Variants in PIGP observed in about 807,000 individuals in gnomAD.
PIGP encodes phosphatidylinositol N-acetylglucosaminyltransferase subunit P.
In PIGP, 12 loss-of-function variants were observed where a neutral mutation model predicts 16.9. The observed-to-expected ratio is 0.71, with a 90% CI of 0.46 to 1.15. The LOEUF (loss-of-function observed/expected upper bound fraction) is 1.15. Ranked by LOEUF, PIGP falls within the 50% of genes most tolerant of loss-of-function variation. PIGP has a pLI of 0.00. For synonymous variants in PIGP, 57 were observed against 54.7 expected (o/e 1.04, Z -0.18); for missense variants, 159 against 153.5 (o/e 1.04, Z -0.19).
At chr21:37,069,181 C>T (rs16994714) in intron 3 of PIGP, 1,943 of 158,356 alleles carry the variant, frequency 0.012, 44 homozygotes, top group African/African-American at 0.043. Flanking sequence ...ACTTCAGCAA[C>T]GTGAAAATCA....
rs777211973 is a variant in PIGP, at chr21:37,065,704, C to T, written c.283G>A (p.Ala95Thr). ...TATTTCTTCTGCTGTTGATTTTTTGCATAGTTATCTGTAAGAAAAGACCAA... is the reference window on the plus strand; with the variant it reads ...TATTTCTTCTGCTGTTGATTTTTTGTATAGTTATCTGTAAGAAAAGACCAA... ...DSIHTITDNY[A>T]KNQQQKKYQE... is the part of the protein sequence containing the mutation. The change falls in exon 5 of 5, where the codon GCA becomes ACA. Residue 95 changes from alanine to threonine, a missense_variant. By Grantham distance (58) the Ala-to-Thr change is moderately conservative. Transcript: ENST00000360525. The T allele has an allele frequency of 8.7e-6, 14 of 1,612,590 alleles. No individual in the cohort carries two copies. The highest frequency in any genetic ancestry group is 1.2e-5 in the Non-Finnish European group (14 of 1,179,350).
In PIGP at chr21:37,072,367, A is replaced by C. The variant is rs191639897; in HGVS notation, c.82+67T>G. 7,286 of 1,606,546 alleles carry C rather than the reference A, an allele frequency of 4.5e-3. 31 individuals are homozygous for C. The highest frequency in any genetic ancestry group is 5.6e-3 in the Admixed American group (331 of 59,530). On this transcript the variant is annotated intron_variant, in intron 2 of 4. Transcript: ENST00000360525. ...CAGTTCATGTGTGCACAGTCTAACC[A>C]ATGTATTCTTCCCTTGTCACTGAAC...
intron 2 of PIGP, among the ~76,000 whole-genome samples, chr21:37,070,673 T>C (rs1792528870): frequency 6.6e-6 from 1 of 152,252 alleles, no homozygotes; most frequent in South Asian, 2.1e-4. Context: ...CAGGGCATTT[T>C]TGGCTGTTTT....
Position 37,072,410 on chromosome 21 carries a change from GCCAT to G in PIGP, c.82+20_82+23del. The G allele has an allele frequency of 1.2e-6, 2 of 1,613,474 alleles. No individual in the cohort carries two copies. The highest frequency in any genetic ancestry group is 1.7e-6 in the Non-Finnish European group (2 of 1,179,608). On this transcript the variant is annotated intron_variant, in intron 2 of 4. Transcript: ENST00000360525. The stretch of plus-strand genomic sequence containing the variant: ...CACTGAACGCCAGAAAAAGCCCCTG[GCCAT>G]CCATCAGGAAAGTACTTACTGAAGC...
rs757006206 is a variant in PIGP at position 37,067,327 on chromosome 21, T to C, written c.209A>G (p.Tyr70Cys). 4 of 1,612,288 alleles carry C rather than the reference T, an allele frequency of 2.5e-6. No homozygotes were observed. Among genetic ancestry groups the C allele is most frequent in the Non-Finnish European group, 3.4e-6 (4 of 1,178,436 alleles). Residue 70 changes from tyrosine (Y) to cysteine (C), a missense_variant, in exon 4 of 5, where the codon TAC (tyrosine) becomes TGC (cysteine). Coordinates refer to ENST00000360525, the MANE Select transcript of PIGP (RefSeq NM_153682.3). ...CATGTTAATCCCAAACAAGAGCACG[T>C]AGCCAATTACTATAGCAATAAGGAG... ...VYLLIAIVIG[Y>C]VLLFGINMMS...
Position 37,069,591 on chromosome 21 carries a change from G to C in PIGP, c.116C>G (p.Ser39Cys). 1 of 1,570,052 alleles carries C rather than the reference G, an allele frequency of 6.4e-7. No homozygotes were observed. Among genetic ancestry groups the C allele is most frequent in the Non-Finnish European group, 8.7e-7 (1 of 1,154,664 alleles). The change falls in exon 3 of 5, where the codon TCT (serine) becomes TGT (cysteine). Residue 39 changes from serine (S) to cysteine (C), a missense_variant. Ser to Cys is a moderately radical substitution (Grantham distance 112). Transcript: ENST00000360525. ...GGTTAAACCTAAAGAGTTTAGCCAA[G>C]ATTCAGGAATAAAGGCCCACACGAG... Reference protein sequence around the residue: ...LYLVWAFIPESWLNSLGLTYW... With the variant: ...LYLVWAFIPECWLNSLGLTYW...
At chr21:37,067,521 A>G (rs2146806642) in intron 3 of PIGP, 141 bp from the exon 4 acceptor site, 1 of 561,808 alleles carries the variant, frequency 1.8e-6, no homozygotes, top group East Asian at 3.1e-5. Context: ...TAGTTCCACA[A>G]GGCTTACAGT....
chr21:37,066,971 C>T (rs1051217519), intron 4 of PIGP, among the ~76,000 whole-genome samples: 2 of 143,850 alleles, frequency 1.4e-5, no homozygotes, highest in South Asian at 2.4e-4. Flanking sequence ...TTTTACTGTC[C>T]GTGTGTGTGT....
Position 37,072,602 on chromosome 21 carries a change from C to G in PIGP, c.-22-65G>C, listed in dbSNP as rs577585644. ...CGTGGCACCATTGATCCATTCTCGC[C>G]TCCTCGCTCCGCCGCGGGTACGGCC... On this transcript the variant is annotated intron_variant, in intron 1 of 4. Coordinates refer to ENST00000360525, the MANE Select transcript of PIGP (RefSeq NM_153682.3). The G allele has an allele frequency of 1.5e-4, 241 of 1,607,064 alleles. 1 individual carries two copies. The South Asian group carries it at 2.3e-3, about 15-fold the overall frequency.
In PIGP at chr21:37,065,537, CTT is replaced by C. The variant is rs1239753543; in HGVS notation, c.*43_*44del. On this transcript the variant is annotated 3_prime_UTR_variant, in exon 5 of 5. Coordinates refer to ENST00000360525, the MANE Select transcript of PIGP (RefSeq NM_153682.3). Reference sequence around the variant, plus strand: ...ATGGTCAAAATTATAATGGCAAAAACTTATAAATAAATACGTGCTTGGTGTTA... The same window carrying C: ...ATGGTCAAAATTATAATGGCAAAAACATAAATAAATACGTGCTTGGTGTTA... 1 of 1,572,612 alleles carries C rather than the reference CTT, an allele frequency of 6.4e-7. No homozygotes were observed. Among genetic ancestry groups the C allele is most frequent in the Admixed American group, 2.0e-5 (1 of 49,654 alleles).
intron 1 of PIGP, chr21:37,072,753 G>C (rs970002354): frequency 3.6e-5 from 24 of 670,272 alleles, no homozygotes; most frequent in African/African-American, 2.2e-4. Flanking sequence ...GGGCAGGGAG[G>C]GGGGTTCTGG....
intron 4 of PIGP, 122 bp from the exon 5 acceptor site, chr21:37,065,834 TTAACA>T: frequency 1.4e-6 from 1 of 711,988 alleles, no homozygotes; most frequent in East Asian, 2.7e-5. Flanking sequence ...AACATCATGT[TTAACA>T]TAATTAGATG....
intron 4 of PIGP, 21 bp from the exon 5 acceptor site, chr21:37,065,733 GCT>G (rs1449968434): frequency 2.5e-6 from 4 of 1,609,528 alleles, no homozygotes; most frequent in Non-Finnish European, 3.4e-6. Context: ...AGACCAAAAA[GCT>G]CTGTTTACCT....
chr21:37,072,322 A>G (rs2070118338), intron 2 of PIGP, 112 bp downstream of exon 2: 10 of 1,597,346 alleles, frequency 6.3e-6, no homozygotes, highest in African/African-American at 1.3e-5. Context: ...TTAAAAAGAG[A>G]CATAGGGAGA....
At chr21:37,068,162 T>G (rs1034906730) in intron 3 of PIGP, among the ~76,000 whole-genome samples, 2 of 151,730 alleles carry the variant, frequency 1.3e-5, no homozygotes, top group African/African-American at 4.8e-5. Context: ...CCTGGCTAAT[T>G]TTTAATTTTT....
At chr21:37,072,960 T>C (rs2070226735) in intron 1 of PIGP, 40 bp downstream of exon 1, 1 of 208,416 alleles carries the variant, frequency 4.8e-6, no homozygotes, top group South Asian at 9.4e-5. Context: ...CCTCGGGTCC[T>C]TCATACGCCC....
At chr21:37,072,178 T>C in intron 2 of PIGP, 1 of 1,470,128 alleles carries the variant, frequency 6.8e-7, no homozygotes, top group Non-Finnish European at 9.5e-7. Context: ...ACGACCTCCT[T>C]AAGGGCAGGG....
chr21:37,072,671 CG>C, intron 1 of PIGP, 134 bp from the exon 2 acceptor site: 1 of 1,496,902 alleles, frequency 6.7e-7, no homozygotes. Flanking sequence ...CCGCAACCCG[CG>C]CCCCCGCCTC....
chr21:37,072,753 G>A (rs970002354), intron 1 of PIGP: 6 of 670,386 alleles, frequency 9.0e-6, no homozygotes, highest in East Asian at 2.7e-5. Flanking sequence ...GGGCAGGGAG[G>A]GGGGTTCTGG....
Sources: gnomAD v4.1 joint callset for allele counts (sites outside exome capture counted in the v4.1 genomes callset) on GRCh38, gnomAD v4.1.1 for gene constraint, MANE v1.5 for transcripts, NCBI Gene and HGNC (gene_info 2026-07-23, HGNC 2026-07-21) for gene names.